The following XIRP2 variants were observed in gnomAD, a reference collection of about 807,000 sequenced individuals.
XIRP2 encodes xin actin-binding repeat-containing protein 2.
Under a neutral mutation model 277.0 loss-of-function variants are expected in XIRP2, and 236 were observed. The observed-to-expected ratio is 0.85, with a 90% CI of 0.77 to 0.95. The LOEUF (loss-of-function observed/expected upper bound fraction) is 0.95. XIRP2 is among the 40% of genes least tolerant of loss of function. XIRP2 has a pLI of 0.00. For missense variants in XIRP2, 4,640 were observed against 4,157.5 expected (o/e 1.12, Z -3.19); for synonymous variants, 1,490 against 1,416.5 (o/e 1.05, Z -1.17).
At chr2:166,890,098 C>A (rs559947921) in intron 1 of XIRP2, among the ~76,000 whole-genome samples, 1 of 151,698 alleles carries the variant, frequency 6.6e-6, no homozygotes, top group South Asian at 2.1e-4. Context: ...CAGGTTCAAG[C>A]GATTCTCCTG....
intron 3 of XIRP2, among the ~76,000 whole-genome samples, chr2:167,189,757 C>A (rs572012035): frequency 3.3e-5 from 5 of 152,280 alleles, no homozygotes; most frequent in African/African-American, 1.2e-4. Flanking sequence ...CCAACACCAA[C>A]CAATTCTCCA....
At chr2:167,127,432 A>G (rs1691240326) in intron 2 of XIRP2, among the ~76,000 whole-genome samples, 1 of 152,198 alleles carries the variant, frequency 6.6e-6, no homozygotes, top group Non-Finnish European at 1.5e-5. Flanking sequence ...GCTTACAGAA[A>G]TGCTTCATGT....
intron 2 of XIRP2, among the ~76,000 whole-genome samples, chr2:166,922,849 C>A (rs1685090613): frequency 1.4e-5 from 2 of 145,220 alleles, no homozygotes; most frequent in Non-Finnish European, 1.5e-5. Flanking sequence ...GAAAGGTAAC[C>A]AGGGGTGATA....
At chr2:167,138,437 T>G (rs1049309298) in intron 3 of XIRP2, among the ~76,000 whole-genome samples, 1 of 152,164 alleles carries the variant, frequency 6.6e-6, no homozygotes, top group Non-Finnish European at 1.5e-5. Flanking sequence ...TCTCTTTTTA[T>G]GCCTGATGAT....
chr2:167,090,762 G>C (rs1160231272), intron 2 of XIRP2, among the ~76,000 whole-genome samples: 1 of 151,934 alleles, frequency 6.6e-6, no homozygotes, highest in African/African-American at 2.4e-5. Flanking sequence ...CCACACTCAA[G>C]GGGAACCAAT....
chr2:167,048,676 G>A (rs116121708), intron 2 of XIRP2, among the ~76,000 whole-genome samples: 2,299 of 151,286 alleles, frequency 0.015, 66 homozygotes, highest in African/African-American at 0.053. Flanking sequence ...TTGTTATAAG[G>A]GGATTTCAAA....
At chr2:167,072,156 T>G (rs1231846608) in intron 2 of XIRP2, among the ~76,000 whole-genome samples, 1 of 152,164 alleles carries the variant, frequency 6.6e-6, no homozygotes, top group Non-Finnish European at 1.5e-5. Context: ...AGAGTGTGTG[T>G]GTGGTATGAT....
intron 2 of XIRP2, among the ~76,000 whole-genome samples, chr2:166,922,149 T>C (rs1448547690): frequency 6.6e-6 from 1 of 152,170 alleles, no homozygotes; most frequent in Non-Finnish European, 1.5e-5. Flanking sequence ...GTTTCCTTAG[T>C]GCATTCTTAG....
intron 2 of XIRP2, among the ~76,000 whole-genome samples, chr2:166,925,578 T>G (rs1685157934): frequency 7.9e-6 from 1 of 126,330 alleles, no homozygotes; most frequent in Non-Finnish European, 1.6e-5. Flanking sequence ...TATGTATGTG[T>G]GTGTGTATGT....
intron 2 of XIRP2, among the ~76,000 whole-genome samples, chr2:167,059,386 T>C (rs1689120863): frequency 6.6e-6 from 1 of 150,920 alleles, no homozygotes; most frequent in Non-Finnish European, 1.5e-5. Context: ...GTGCTGGGAT[T>C]ACGGGGTGAA....
chr2:167,245,366 A>C lies in XIRP2; in HGVS notation c.3974A>C (p.Gln1325Pro). 6.2e-7 allele frequency: 1 copy of C among 1,613,788 alleles called. No individual in the cohort carries two copies. The highest frequency in any genetic ancestry group is 8.5e-7 in the Non-Finnish European group (1 of 1,179,754). ...GAAACCCAGCCACTCTATGCAATTC[A>C]AGACCGAGAAGGGTCCTATCATGAA... ...LFETQPLYAI[Q>P]DREGSYHEVT... Residue 1325 changes from glutamine (Q) to proline (P), a missense_variant, in exon 9 of 11, where the codon CAA (glutamine) becomes CCA (proline). Coordinates refer to ENST00000409195, the MANE Select transcript of XIRP2 (RefSeq NM_152381.6).
chr2:167,021,984 C>A lies in XIRP2; in HGVS notation c.409-113925C>A, dbSNP rs139711092. Among the ~76,000 whole-genome samples the A allele has an allele frequency of 2.7e-3, 417 of 151,852 alleles. 3 individuals are homozygous for A. Among genetic ancestry groups the A allele is most frequent in the African/African-American group, 9.5e-3 (395 of 41,420 alleles). On this transcript the variant is annotated intron_variant, in intron 2 of 10. Transcript: ENST00000409195. ...CCTTTCCATTTTGAAAGTTATTAACCCTACAAAAGTAAAGATTAAACTATG... is the reference window on the plus strand; with the variant it reads ...CCTTTCCATTTTGAAAGTTATTAACACTACAAAAGTAAAGATTAAACTATG...
At chr2:166,897,132 CTTCT>C (rs1684266097) in intron 1 of XIRP2, among the ~76,000 whole-genome samples, 1 of 152,192 alleles carries the variant, frequency 6.6e-6, no homozygotes, top group Non-Finnish European at 1.5e-5. Flanking sequence ...TGTCCTTGTA[CTTCT>C]TTCTTTCTGA....
At chr2:166,892,963 C>CATAT (rs1209895250) in intron 1 of XIRP2, among the ~76,000 whole-genome samples, 1 of 136,492 alleles carries the variant, frequency 7.3e-6, no homozygotes, top group African/African-American at 2.7e-5. Context: ...TGTGTATATA[C>CATAT]ATATATATAT....
intron 3 of XIRP2, among the ~76,000 whole-genome samples, chr2:167,202,534 C>T (rs769520783): frequency 1.2e-4 from 19 of 152,220 alleles, no homozygotes; most frequent in Admixed American, 2.6e-4. Flanking sequence ...ATCAGGTAGG[C>T]GGACATTTCT....
intron 2 of XIRP2, among the ~76,000 whole-genome samples, chr2:166,935,862 G>A (rs547363490): frequency 3.9e-5 from 6 of 152,232 alleles, no homozygotes; most frequent in South Asian, 4.1e-4. Context: ...GAATAGTGCC[G>A]CAATAAACAT....
intron 3 of XIRP2, among the ~76,000 whole-genome samples, chr2:167,146,136 GAT>G (rs201011103): frequency 0.024 from 3,634 of 151,750 alleles, 58 homozygotes; most frequent in East Asian, 0.049. Context: ...TAACACAGCA[GAT>G]ATGTTATACA....
chr2:166,987,192 T>C (rs887189750), intron 2 of XIRP2, among the ~76,000 whole-genome samples: 4 of 152,206 alleles, frequency 2.6e-5, no homozygotes, highest in African/African-American at 9.6e-5. Flanking sequence ...ACATGGGTCC[T>C]GCAAGGGAAT....
At chr2:167,066,960 C>A (rs72884639) in intron 2 of XIRP2, among the ~76,000 whole-genome samples, 1 of 151,976 alleles carries the variant, frequency 6.6e-6, no homozygotes, top group African/African-American at 2.4e-5. Flanking sequence ...TTTCCTTTGG[C>A]TTATTTTTTC....
Sources: allele counts gnomAD v4.1 joint callset (sites outside exome capture counted in the v4.1 genomes callset), GRCh38; gene constraint gnomAD v4.1.1; transcripts MANE v1.5; gene names NCBI Gene and HGNC (gene_info 2026-07-23, HGNC 2026-07-21).